Variants in FAM227B observed in about 807,000 individuals in gnomAD.
FAM227B encodes protein FAM227B.
FAM227B carries 88 observed loss-of-function variants against 73.8 expected under a neutral mutation model. That is an observed-to-expected ratio of 1.19 (90% CI 1.00 to 1.42). The LOEUF (loss-of-function observed/expected upper bound fraction) is 1.42, where lower values mean the gene tolerates loss of function less well. FAM227B is among the 40% of genes most tolerant of loss of function. The pLI, the probability that FAM227B is intolerant of heterozygous loss-of-function variation, is 0.00. For missense variants in FAM227B, 632 were observed against 590.9 expected (o/e 1.07, Z -0.72); for synonymous variants, 210 against 190.5 (o/e 1.10, Z -0.84).
chr15:49,396,645 G>C (rs1426809101), intron 11 of FAM227B, among the ~76,000 whole-genome samples: 1 of 152,002 alleles, frequency 6.6e-6, no homozygotes, highest in African/African-American at 2.4e-5. Context: ...CCCAGCTGGA[G>C]ATCTGAGAAC....
intron 2 of FAM227B, among the ~76,000 whole-genome samples, chr15:49,612,628 A>C (rs983220767): frequency 2.6e-5 from 4 of 152,218 alleles, no homozygotes; most frequent in Admixed American, 6.5e-5. Context: ...ATGAAAATCC[A>C]GTGAGAAGGC....
At chr15:49,564,432 C>T (rs897997008) in intron 9 of FAM227B, among the ~76,000 whole-genome samples, 6 of 152,154 alleles carry the variant, frequency 3.9e-5, no homozygotes, top group African/African-American at 1.4e-4. Context: ...TTAGAGATTT[C>T]TCAAATAACT....
At chr15:49,510,583 G>C (rs1339031916) in intron 10 of FAM227B, among the ~76,000 whole-genome samples, 1 of 152,010 alleles carries the variant, frequency 6.6e-6, no homozygotes, top group Non-Finnish European at 1.5e-5. Context: ...GCTCGAATCT[G>C]AACAAATTTT....
chr15:49,583,841 A>G (rs112097078), intron 5 of FAM227B, among the ~76,000 whole-genome samples: 1,679 of 152,260 alleles, frequency 0.011, 35 homozygotes, highest in African/African-American at 0.039. Context: ...ACAGACCAAT[A>G]ATGAGGTCTG....
At chr15:49,550,345 C>T (rs901318408) in intron 9 of FAM227B, among the ~76,000 whole-genome samples, 1 of 149,478 alleles carries the variant, frequency 6.7e-6, no homozygotes, top group East Asian at 2.0e-4. Flanking sequence ...CTGACCCCCC[C>T]ACCTCCCTCC....
At chr15:49,455,277 T>C (rs1410514341) in intron 11 of FAM227B, among the ~76,000 whole-genome samples, 1 of 152,190 alleles carries the variant, frequency 6.6e-6, no homozygotes, top group African/African-American at 2.4e-5. Context: ...ATGGTATCCC[T>C]AATGTATAGC....
At chr15:49,446,730 G>T (rs2052255242) in intron 11 of FAM227B, among the ~76,000 whole-genome samples, 1 of 151,558 alleles carries the variant, frequency 6.6e-6, no homozygotes, top group Admixed American at 6.6e-5. Flanking sequence ...CTAGTGAACA[G>T]ATAAAATGCT....
chr15:49,518,944 C>T (rs1346351370), intron 10 of FAM227B, among the ~76,000 whole-genome samples: 1 of 152,214 alleles, frequency 6.6e-6, no homozygotes, highest in African/African-American at 2.4e-5. Flanking sequence ...TCTCTTCTGA[C>T]TATGAGCTTG....
intron 8 of FAM227B, among the ~76,000 whole-genome samples, chr15:49,570,269 T>C (rs1388733633): frequency 6.6e-6 from 1 of 151,948 alleles, no homozygotes; most frequent in Non-Finnish European, 1.5e-5. Context: ...TTTCCTTTTC[T>C]CCATAACCTC....
Position 49,328,604 on chromosome 15 carries a change from T to G in FAM227B, c.1491A>C (p.Ser497=). ...LSSSSSSSPS[S]TDNYNFEEEE... is the part of the protein sequence containing the mutation. ...CTTCCTCAAAGTTGTAGTTGTCTGT[T>G]GATGATGGTGATGATGATGATGATG... The change falls in exon 16 of 16, where the codon TCA becomes TCC. Residue 497 remains serine, a synonymous_variant. Transcript: ENST00000299338. 1.3e-6 allele frequency: 2 copies of G among 1,591,788 alleles called. No individual in the cohort carries two copies.
At chr15:49,566,682 G>T (rs189601319) in intron 9 of FAM227B, among the ~76,000 whole-genome samples, 6 of 152,294 alleles carry the variant, frequency 3.9e-5, no homozygotes, top group African/African-American at 1.4e-4. Flanking sequence ...ATGAGATCCT[G>T]AAGGCAGGTG....
At chr15:49,329,743 G>A (rs961270162) in intron 15 of FAM227B, 17 of 970,832 alleles carry the variant, frequency 1.8e-5, no homozygotes, top group South Asian at 1.4e-4. Context: ...TTTTAATACC[G>A]TGCCATTTTC....
chr15:49,583,529 G>A lies in FAM227B; in HGVS notation c.405+4487C>T, dbSNP rs541169122. 4.9e-4 allele frequency among the ~76,000 whole-genome samples: 75 copies of A among 151,972 alleles called. 1 individual carries two copies. In the South Asian group the frequency reaches 0.014, roughly 28 times the overall value. ...AAGGGGAGGCATGAATAATCCACCC[G>A]TTGTTTAGCATATCATCAAAAATAA... is the stretch of plus-strand genomic sequence containing the variant. On this transcript the variant is annotated intron_variant, in intron 5 of 15. Transcript: ENST00000299338.
At chr15:49,562,903 GCAAAAGCT>G (rs2074369486) in intron 9 of FAM227B, among the ~76,000 whole-genome samples, 1 of 152,012 alleles carries the variant, frequency 6.6e-6, no homozygotes, top group Admixed American at 6.6e-5. Context: ...TACTAAAAGG[GCAAAAGCT>G]GGGAGCATTC....
intron 9 of FAM227B, among the ~76,000 whole-genome samples, chr15:49,562,626 A>G (rs1255995311): frequency 6.6e-6 from 1 of 152,168 alleles, no homozygotes; most frequent in Non-Finnish European, 1.5e-5. Context: ...AACAAAATCC[A>G]GCAGTACATC....
chr15:49,518,616 C>G (rs1179018249), intron 10 of FAM227B, among the ~76,000 whole-genome samples: 1 of 152,060 alleles, frequency 6.6e-6, no homozygotes, highest in African/African-American at 2.4e-5. Context: ...GGGGAACAGC[C>G]CTTTATAAAA....
chr15:49,341,906 A>C (rs1337119777), intron 13 of FAM227B, among the ~76,000 whole-genome samples: 1 of 152,102 alleles, frequency 6.6e-6, no homozygotes, highest in African/African-American at 2.4e-5. Context: ...ATGGTTGATA[A>C]GAGTTTGGTT....
In FAM227B at chr15:49,359,803, G is replaced by A. The variant is rs181324678; in HGVS notation, c.1271+7645C>T. 1.1e-3 allele frequency among the ~76,000 whole-genome samples: 150 copies of A among 137,432 alleles called. 6 individuals are homozygous for A. The East Asian group carries it at 0.017, about 15-fold the overall frequency. 90.2% of individuals were successfully genotyped at this position (137,432 alleles called of 152,430 possible). On this transcript the variant is annotated intron_variant, in intron 13 of 15. Coordinates refer to ENST00000299338, the MANE Select transcript of FAM227B (RefSeq NM_152647.3). ...ACACATGCACATGTATGTTTATTGC[G>A]TCATTATTCACAATAGCAAAGACTT...
chr15:49,527,889 C>T (rs12443123), intron 10 of FAM227B, among the ~76,000 whole-genome samples: 40,287 of 151,528 alleles, frequency 0.27, 5,605 homozygotes, highest in East Asian at 0.38. Context: ...CCCATATTTA[C>T]GGGTTGTAAG....
Sources: allele counts gnomAD v4.1 joint callset (sites outside exome capture counted in the v4.1 genomes callset), GRCh38; gene constraint gnomAD v4.1.1; transcripts MANE v1.5; gene names NCBI Gene and HGNC (gene_info 2026-07-23, HGNC 2026-07-21).